The following NAALADL2 variants were observed in gnomAD, a reference collection of about 807,000 sequenced individuals.
NAALADL2 encodes the protein inactive N-acetylated-alpha-linked acidic dipeptidase-like protein 2.
In NAALADL2, 76 loss-of-function variants were observed where a neutral mutation model predicts 87.2. The ratio of observed to expected loss-of-function variants is 0.87; its 90% CI spans 0.72 to 1.05. NAALADL2 has a LOEUF of 1.05. Ranked by LOEUF, NAALADL2 falls within the 50% of genes least tolerant of loss-of-function variation. NAALADL2 has a pLI of 0.00. For missense variants in NAALADL2, 1,089 were observed against 945.8 expected, an observed-to-expected ratio of 1.15 and a Z score of -1.99; for synonymous variants, 354 against 331.0, an observed-to-expected ratio of 1.07 and a Z score of -0.75.
chr3:174,919,312 C>T (rs980347189), intron 1 of NAALADL2, among the ~76,000 whole-genome samples: 2 of 152,050 alleles, frequency 1.3e-5, no homozygotes, highest in Admixed American at 6.6e-5. Context: ...CACAGTAGAA[C>T]GTCTTTCAAA....
intron 1 of NAALADL2, among the ~76,000 whole-genome samples, chr3:174,911,085 G>T (rs1733633925): frequency 6.6e-6 from 1 of 152,088 alleles, no homozygotes; most frequent in Non-Finnish European, 1.5e-5. Flanking sequence ...CAATGGAATT[G>T]CCATCCCCCA....
intron 1 of NAALADL2, among the ~76,000 whole-genome samples, chr3:175,071,839 C>G (rs1715701514): frequency 6.6e-6 from 1 of 151,944 alleles, no homozygotes; most frequent in Admixed American, 6.6e-5. Flanking sequence ...GATGAAATAA[C>G]TAGTTATTTA....
intron 1 of NAALADL2, among the ~76,000 whole-genome samples, chr3:174,979,628 G>C (rs1744859710): frequency 6.6e-6 from 1 of 151,522 alleles, no homozygotes; most frequent in African/African-American, 2.4e-5. Flanking sequence ...TCTTATATAA[G>C]CATTTCTTTT....
At chr3:175,482,077 A>T (rs1452194058) in intron 9 of NAALADL2, among the ~76,000 whole-genome samples, 7 of 151,996 alleles carry the variant, frequency 4.6e-5, no homozygotes, top group African/African-American at 1.7e-4. Context: ...AAAAAATATT[A>T]AAAGTTATTC....
chr3:175,441,671 TCACACACACACACA>T (rs57990259), intron 5 of NAALADL2, among the ~76,000 whole-genome samples: 2 of 148,642 alleles, frequency 1.3e-5, no homozygotes, highest in South Asian at 2.1e-4. Flanking sequence ...GATCTCATGT[TCACACACACACACA>T]CACACACACA....
intron 2 of NAALADL2, among the ~76,000 whole-genome samples, chr3:175,137,933 C>A (rs143944784): frequency 2.0e-5 from 3 of 151,914 alleles, no homozygotes; most frequent in African/African-American, 7.3e-5. Context: ...CGAGATTGAC[C>A]CAATTTTTAA....
chr3:175,322,121 T>A (rs967842563), intron 4 of NAALADL2, among the ~76,000 whole-genome samples: 2 of 150,424 alleles, frequency 1.3e-5, no homozygotes, highest in Non-Finnish European at 1.5e-5. Context: ...AACAGCATGG[T>A]ACTGGTACCA....
At chr3:175,089,775 C>T (rs1719733895) in intron 1 of NAALADL2, among the ~76,000 whole-genome samples, 1 of 152,028 alleles carries the variant, frequency 6.6e-6, no homozygotes, top group African/African-American at 2.4e-5. Context: ...AGATTAAAAA[C>T]AAACCCTTCA....
At chr3:174,604,406 G>T (rs978375408) in intron 2 of NAALADL2, among the ~76,000 whole-genome samples, 4 of 151,742 alleles carry the variant, frequency 2.6e-5, no homozygotes, top group Non-Finnish European at 4.4e-5. Flanking sequence ...CATTTCCATT[G>T]GAATGGAATA....
intron 12 of NAALADL2, among the ~76,000 whole-genome samples, chr3:175,746,375 T>C (rs1251742669): frequency 2.0e-5 from 3 of 149,510 alleles, no homozygotes; most frequent in Non-Finnish European, 3.0e-5. Context: ...GTTTTTTTTT[T>C]CTAAAAATTA....
At chr3:175,706,504 T>C (rs367755736) in intron 11 of NAALADL2, among the ~76,000 whole-genome samples, 1 of 152,278 alleles carries the variant, frequency 6.6e-6, no homozygotes, top group African/African-American at 2.4e-5. Flanking sequence ...TATCATATTG[T>C]ACTGTTCTCA....
intron 1 of NAALADL2, among the ~76,000 whole-genome samples, chr3:175,067,406 C>G (rs929178542): frequency 6.6e-6 from 1 of 151,998 alleles, no homozygotes; most frequent in African/African-American, 2.4e-5. Flanking sequence ...AAGCAAACAA[C>G]AACAACAGAC....
chr3:174,570,053 GA>G (rs1447060249), intron 2 of NAALADL2, among the ~76,000 whole-genome samples: 1 of 151,978 alleles, frequency 6.6e-6, no homozygotes. Flanking sequence ...TTTGCATCTG[GA>G]AAGCACTTCC....
At chr3:174,546,630 G>A (rs897199882) in intron 1 of NAALADL2, among the ~76,000 whole-genome samples, 5 of 152,018 alleles carry the variant, frequency 3.3e-5, no homozygotes, top group Non-Finnish European at 7.4e-5. Flanking sequence ...TTTCTGTCTT[G>A]TGACAGGTGT....
intron 1 of NAALADL2, among the ~76,000 whole-genome samples, chr3:174,452,295 T>C (rs1715542876): frequency 6.6e-6 from 1 of 152,216 alleles, no homozygotes; most frequent in Non-Finnish European, 1.5e-5. Context: ...CCACTTGTTA[T>C]ATGTATGACC....
intron 1 of NAALADL2, among the ~76,000 whole-genome samples, chr3:175,083,756 T>C (rs888472206): frequency 4.6e-5 from 7 of 152,222 alleles, no homozygotes; most frequent in African/African-American, 1.7e-4. Context: ...TTCTGAAGGC[T>C]GAATGAGTTA....
chr3:174,608,023 T>G (rs985202830), intron 2 of NAALADL2, among the ~76,000 whole-genome samples: 1 of 151,974 alleles, frequency 6.6e-6, no homozygotes. Context: ...CACTCAAAAC[T>G]GCTCAACTAC....
At chr3:174,765,231 A>C (rs1182957818) in intron 3 of NAALADL2, among the ~76,000 whole-genome samples, 1 of 152,066 alleles carries the variant, frequency 6.6e-6, no homozygotes, top group Non-Finnish European at 1.5e-5. Flanking sequence ...AACCCACTTA[A>C]AGATATTAGC....
At chr3:175,674,260 G>GT (rs376315516) in intron 11 of NAALADL2, among the ~76,000 whole-genome samples, 1,447 of 125,648 alleles carry the variant, frequency 0.012, 30 homozygotes, top group African/African-American at 0.043. Flanking sequence ...TTTTTTTTTT[G>GT]TTTGTTTTGT....
Sources: gnomAD v4.1 joint callset for allele counts (sites outside exome capture counted in the v4.1 genomes callset) on GRCh38, gnomAD v4.1.1 for gene constraint, MANE v1.5 for transcripts, NCBI Gene and HGNC (gene_info 2026-07-23, HGNC 2026-07-21) for gene names.